DYSF: variants seen among roughly 807,000 people sequenced by gnomAD.
The protein encoded by DYSF is dysferlin.
A neutral mutation model predicts 274.9 loss-of-function variants in DYSF; 212 were observed. The ratio of observed to expected loss-of-function variants is 0.77; its 90% CI spans 0.69 to 0.86. DYSF has a LOEUF of 0.86. DYSF is among the 40% of genes least tolerant of loss of function. DYSF has a pLI of 0.00. For missense variants in DYSF, 2,666 were observed against 2,783.2 expected, an observed-to-expected ratio of 0.96 and a Z score of 0.95; for synonymous variants, 1,091 against 1,078.7, an observed-to-expected ratio of 1.01 and a Z score of -0.22.
intron 30 of DYSF, among the ~76,000 whole-genome samples, chr2:71,580,585 C>T (rs2092859080): frequency 6.6e-6 from 1 of 152,074 alleles, no homozygotes; most frequent in South Asian, 2.1e-4. Flanking sequence ...GGGTTTACCT[C>T]ATTAGGAAAC....
intron 29 of DYSF, 23 bp from the exon 30 acceptor site, chr2:71,574,175 A>T (rs2092620557): frequency 6.2e-7 from 1 of 1,612,386 alleles, no homozygotes; most frequent in Non-Finnish European, 8.5e-7. Flanking sequence ...CCGGCCTCTG[A>T]GTCTGCCCCT....
chr2:71,566,570 A>C (rs2092120607), intron 24 of DYSF, among the ~76,000 whole-genome samples: 2 of 150,586 alleles, frequency 1.3e-5, no homozygotes, highest in African/African-American at 4.9e-5. Flanking sequence ...ACATTTCTTT[A>C]TTTGCTGTTG....
At chr2:71,586,070 C>T (rs902246229) in intron 30 of DYSF, among the ~76,000 whole-genome samples, 1 of 152,016 alleles carries the variant, frequency 6.6e-6, no homozygotes, top group Non-Finnish European at 1.5e-5. Flanking sequence ...GCCAGAGACT[C>T]AATTTAGAGG....
intron 42 of DYSF, among the ~76,000 whole-genome samples, chr2:71,653,782 C>T (rs2094714115): frequency 6.6e-6 from 1 of 151,488 alleles, no homozygotes; most frequent in Admixed American, 6.6e-5. Flanking sequence ...GCACATTGTG[C>T]ACATGTACCC....
At chr2:71,481,764 A>G in intron 2 of DYSF, 115 bp from the exon 3 acceptor site, 1 of 783,502 alleles carries the variant, frequency 1.3e-6, no homozygotes, top group Non-Finnish European at 2.2e-6. Context: ...CTGCCTATCC[A>G]CTAGAATCAT....
At chr2:71,470,502 C>G (rs1462401247) in intron 1 of DYSF, among the ~76,000 whole-genome samples, 1 of 151,718 alleles carries the variant, frequency 6.6e-6, no homozygotes, top group Non-Finnish European at 1.5e-5. Context: ...GAAACCCTGT[C>G]TCTACTAAAA....
intron 41 of DYSF, among the ~76,000 whole-genome samples, chr2:71,641,273 G>A (rs961528987): frequency 6.9e-6 from 1 of 145,822 alleles, no homozygotes; most frequent in Non-Finnish European, 1.5e-5. Flanking sequence ...CCGCCTCCCA[G>A]GTTCACGCCA....
At chr2:71,624,371 ACTT>A (rs1297018907) in intron 41 of DYSF, among the ~76,000 whole-genome samples, 1 of 152,180 alleles carries the variant, frequency 6.6e-6, no homozygotes. Flanking sequence ...GTTTGCTACT[ACTT>A]AGGATTTTTA....
chr2:71,651,348 C>A (rs2094656330), intron 42 of DYSF, among the ~76,000 whole-genome samples: 1 of 151,994 alleles, frequency 6.6e-6, no homozygotes, highest in East Asian at 1.9e-4. Context: ...GCAATGAAAA[C>A]AGGGACATAA....
chr2:71,659,148 CAAACACACA>C, intron 44 of DYSF, 115 bp downstream of exon 44: 1 of 1,401,638 alleles, frequency 7.1e-7, no homozygotes, highest in Non-Finnish European at 1.0e-6. Context: ...GGGAAACAGA[CAAACACACA>C]AAACTGAGAG....
chr2:71,628,339 T>G (rs112781346), intron 41 of DYSF, among the ~76,000 whole-genome samples: 2 of 152,152 alleles, frequency 1.3e-5, no homozygotes, highest in African/African-American at 4.8e-5. Flanking sequence ...ATTTTAGTTT[T>G]ATCTTTTTTA....
rs2152715656 is a variant in DYSF at position 71,503,224 on chromosome 2, G to A, written c.250G>A (p.Glu84Lys). 1 of 1,613,998 alleles carries A rather than the reference G, an allele frequency of 6.2e-7. No individual in the cohort carries two copies. Among genetic ancestry groups the A allele is most frequent in the South Asian group, 1.1e-5 (1 of 91,078 alleles). ...ETMGRNRFLG[E>K]AKVPLREVLA... ...TCTCTCTCCTCTCAGGTTCCTGGGG[G>A]AAGCCAAGGTCCCACTCCGAGAGGT... Residue 84 changes from glutamate to lysine, a missense_variant, in exon 4 of 56, where the codon GAA becomes AAA. By Grantham distance (56) the Glu-to-Lys change is moderately conservative. Transcript: ENST00000410020.
chr2:71,618,387 TGGTGTGTG>T (rs1558639643), intron 40 of DYSF, among the ~76,000 whole-genome samples: 9 of 4,120 alleles, frequency 2.2e-3, no homozygotes, highest in East Asian at 9.4e-3. Context: ...GTGGTAGAGG[TGGTGTGTG>T]TGTGTGTGGT....
intron 1 of DYSF, among the ~76,000 whole-genome samples, chr2:71,478,306 G>T (rs1385931497): frequency 2.0e-5 from 3 of 151,710 alleles, no homozygotes; most frequent in South Asian, 2.1e-4. Flanking sequence ...CCGCCTCCTG[G>T]GTTCACGCCA....
At chr2:71,574,482 G>A in intron 30 of DYSF, 111 bp downstream of exon 30, 1 of 1,352,668 alleles carries the variant, frequency 7.4e-7, no homozygotes, top group Non-Finnish European at 1.0e-6. Flanking sequence ...ACTTTTGGAT[G>A]GAACGCTGGC....
intron 10 of DYSF, among the ~76,000 whole-genome samples, chr2:71,519,728 T>C (rs2087030695): frequency 6.6e-6 from 1 of 151,048 alleles, no homozygotes; most frequent in African/African-American, 2.4e-5. Context: ...CACTGCAACC[T>C]CCAACTCCTG....
chr2:71,488,465 A>C (rs1206120658), intron 3 of DYSF, among the ~76,000 whole-genome samples: 4 of 152,194 alleles, frequency 2.6e-5, no homozygotes, highest in African/African-American at 7.2e-5. Flanking sequence ...CACTAACCCC[A>C]GGCCTAACCG....
chr2:71,618,187 A>G (rs923596453), intron 40 of DYSF, among the ~76,000 whole-genome samples: 2 of 4,712 alleles, frequency 4.2e-4, no homozygotes, highest in Non-Finnish European at 9.1e-4. Flanking sequence ...GTGGGGTATA[A>G]GTGTGTGTGG....
intron 4 of DYSF, among the ~76,000 whole-genome samples, chr2:71,509,710 G>A (rs977461738): frequency 6.6e-6 from 1 of 152,132 alleles, no homozygotes; most frequent in Non-Finnish European, 1.5e-5. Context: ...GATTTGGCCT[G>A]TGGGAGCTCT....
Sources: gnomAD v4.1 joint callset for allele counts (sites outside exome capture counted in the v4.1 genomes callset) on GRCh38, gnomAD v4.1.1 for gene constraint, MANE v1.5 for transcripts, NCBI Gene and HGNC (gene_info 2026-07-23, HGNC 2026-07-21) for gene names.